The following TMEM132D variants were observed in gnomAD, a reference collection of about 807,000 sequenced individuals.
TMEM132D encodes mature OL transmembrane protein.
Under a neutral mutation model 62.3 loss-of-function variants are expected in TMEM132D, and 21 were observed. The ratio of observed to expected loss-of-function variants is 0.34; its 90% CI spans 0.24 to 0.49. TMEM132D has a LOEUF of 0.49. Among genes scored for constraint, TMEM132D ranks in the 20% least tolerant of loss-of-function variants. The pLI, the probability that TMEM132D is intolerant of heterozygous loss-of-function variation, is 0.99. For synonymous variants in TMEM132D, 621 were observed against 575.6 expected, an observed-to-expected ratio of 1.08 and a Z score of -1.13; for missense variants, 1,346 against 1,402.8, an observed-to-expected ratio of 0.96 and a Z score of 0.65.
rs572290801 is a variant in TMEM132D, at chr12:129,743,906, C to T, written c.80-43208G>A. Among the ~76,000 whole-genome samples, 11 of 152,316 alleles carry T rather than the reference C, an allele frequency of 7.2e-5. No homozygotes were observed. In the East Asian group the frequency reaches 2.1e-3, roughly 29 times the overall value. On this transcript the variant is annotated intron_variant, in intron 1 of 8. Transcript: ENST00000422113. ...CCTTGAGCTTCCAGAAGACACACAGCTCTGCCTATACTTCCACTTTAGCTC... is the reference window on the plus strand; with the variant it reads ...CCTTGAGCTTCCAGAAGACACACAGTTCTGCCTATACTTCCACTTTAGCTC...
chr12:129,274,748 G>C (rs2398456), intron 4 of TMEM132D, among the ~76,000 whole-genome samples: 1 of 152,032 alleles, frequency 6.6e-6, no homozygotes, highest in Non-Finnish European at 1.5e-5. Flanking sequence ...TTAGCCAGGC[G>C]TGGTGGCGGG....
At chr12:129,710,728 T>C (rs1468228122) in intron 1 of TMEM132D, among the ~76,000 whole-genome samples, 1 of 152,214 alleles carries the variant, frequency 6.6e-6, no homozygotes, top group African/African-American at 2.4e-5. Context: ...TAAGACAAAC[T>C]AGGTCCAGAA....
At chr12:129,777,430 G>T (rs1870974474) in intron 1 of TMEM132D, among the ~76,000 whole-genome samples, 1 of 152,208 alleles carries the variant, frequency 6.6e-6, no homozygotes, top group African/African-American at 2.4e-5. Flanking sequence ...CAGGCTGCAA[G>T]CTCCTACCTT....
At chr12:129,482,121 G>C (rs927684447) in intron 3 of TMEM132D, among the ~76,000 whole-genome samples, 12 of 152,198 alleles carry the variant, frequency 7.9e-5, no homozygotes, top group African/African-American at 2.7e-4. Flanking sequence ...CTCTAGCTGA[G>C]CTGTCTCAGC....
At chr12:129,526,603 A>G (rs1247293601) in intron 3 of TMEM132D, among the ~76,000 whole-genome samples, 1 of 152,166 alleles carries the variant, frequency 6.6e-6, no homozygotes, top group Non-Finnish European at 1.5e-5. Flanking sequence ...TTAGAACAGA[A>G]CACTGATTTT....
At chr12:129,703,703 T>C (rs1593127280) in intron 1 of TMEM132D, among the ~76,000 whole-genome samples, 2 of 152,304 alleles carry the variant, frequency 1.3e-5, no homozygotes, top group East Asian at 3.9e-4. Context: ...TTGGGTTCCG[T>C]GGCTGTAATT....
rs371599010 is a variant in TMEM132D at position 129,373,003 on chromosome 12, G to T, written c.1116-35186C>A. On this transcript the variant is annotated intron_variant, in intron 3 of 8. Coordinates refer to ENST00000422113, the MANE Select transcript of TMEM132D (RefSeq NM_133448.3). ...CCACTAAGTTTGTGGTAGTTACAAA[G>T]GTCATAGGAAAAAACCCAGGAACCC... is the stretch of plus-strand genomic sequence containing the variant. Among the ~76,000 whole-genome samples, 214 of 152,190 alleles carry T rather than the reference G, an allele frequency of 1.4e-3. 2 individuals are homozygous for T. Among genetic ancestry groups the T allele is most frequent in the African/African-American group, 4.9e-3 (204 of 41,512 alleles).
At chr12:129,093,573 T>G (rs1593258442) in intron 5 of TMEM132D, among the ~76,000 whole-genome samples, 1 of 152,050 alleles carries the variant, frequency 6.6e-6, no homozygotes, top group Non-Finnish European at 1.5e-5. Flanking sequence ...TGCTCATGGG[T>G]AGGAAGAATC....
At chr12:129,095,443 C>T (rs1875081076) in intron 5 of TMEM132D, among the ~76,000 whole-genome samples, 1 of 150,400 alleles carries the variant, frequency 6.6e-6, no homozygotes, top group East Asian at 2.0e-4. Context: ...CAACCTCTGC[C>T]TCCCAGGTTC....
intron 2 of TMEM132D, among the ~76,000 whole-genome samples, chr12:129,586,109 T>G (rs1878023575): frequency 6.6e-6 from 1 of 150,424 alleles, no homozygotes; most frequent in African/African-American, 2.5e-5. Flanking sequence ...CACGGCTATG[T>G]GTTCACCTTA....
chr12:129,515,334 G>T (rs1352173914), intron 3 of TMEM132D, among the ~76,000 whole-genome samples: 1 of 152,008 alleles, frequency 6.6e-6, no homozygotes, highest in Non-Finnish European at 1.5e-5. Context: ...CCACATATTA[G>T]TTACAAATAA....
At chr12:129,246,347 G>A (rs1275275365) in intron 4 of TMEM132D, among the ~76,000 whole-genome samples, 1 of 152,176 alleles carries the variant, frequency 6.6e-6, no homozygotes, top group East Asian at 1.9e-4. Flanking sequence ...ACAGCACCAA[G>A]GCTGAGCACC....
intron 1 of TMEM132D, among the ~76,000 whole-genome samples, chr12:129,894,991 C>G (rs1399278247): frequency 1.3e-5 from 2 of 152,220 alleles, no homozygotes; most frequent in Non-Finnish European, 2.9e-5. Context: ...TCCACCCCTT[C>G]TGTGTAGCTG....
At chr12:129,792,539 C>T (rs867512962) in intron 1 of TMEM132D, among the ~76,000 whole-genome samples, 9 of 152,170 alleles carry the variant, frequency 5.9e-5, no homozygotes, top group Admixed American at 3.3e-4. Flanking sequence ...AGGCACCAGG[C>T]GCTGTGCTGA....
intron 4 of TMEM132D, among the ~76,000 whole-genome samples, chr12:129,314,050 T>G (rs1406876194): frequency 3.9e-5 from 6 of 152,218 alleles, no homozygotes; most frequent in African/African-American, 1.4e-4. Context: ...CACTTTTTAA[T>G]GGGATTTTTT....
At chr12:129,603,876 T>A (rs1162807379) in intron 2 of TMEM132D, among the ~76,000 whole-genome samples, 1 of 152,126 alleles carries the variant, frequency 6.6e-6, no homozygotes, top group Non-Finnish European at 1.5e-5. Context: ...ACACATATAT[T>A]TACTGCAGCA....
intron 1 of TMEM132D, among the ~76,000 whole-genome samples, chr12:129,716,171 CT>C (rs200674283): frequency 0.012 from 1,866 of 152,306 alleles, 12 homozygotes; most frequent in Non-Finnish European, 0.018. Context: ...TAGCTTCAGA[CT>C]TGCAGTCTGA....
chr12:129,501,867 T>C (rs1017174828), intron 3 of TMEM132D, among the ~76,000 whole-genome samples: 2 of 152,138 alleles, frequency 1.3e-5, no homozygotes, highest in Non-Finnish European at 2.9e-5. Context: ...ATCATCACTA[T>C]CTTGGGTGTC....
intron 4 of TMEM132D, among the ~76,000 whole-genome samples, chr12:129,329,355 A>C (rs1441480676): frequency 3.3e-5 from 5 of 152,180 alleles, no homozygotes; most frequent in South Asian, 2.1e-4. Flanking sequence ...TGAAAGCCAT[A>C]GTGTGCTGTG....
Sources: allele counts gnomAD v4.1 joint callset (sites outside exome capture counted in the v4.1 genomes callset), GRCh38; gene constraint gnomAD v4.1.1; transcripts MANE v1.5; gene names NCBI Gene and HGNC (gene_info 2026-07-23, HGNC 2026-07-21).